UTRN: variants seen among roughly 807,000 people sequenced by gnomAD.
The protein encoded by UTRN is dystrophin-related protein 1.
Under a neutral mutation model 463.9 loss-of-function variants are expected in UTRN, and 283 were observed. The ratio of observed to expected loss-of-function variants is 0.61; its 90% confidence interval spans 0.55 to 0.67. The LOEUF (loss-of-function observed/expected upper bound fraction) is 0.67. Ranked by LOEUF, UTRN falls within the 30% of genes least tolerant of loss-of-function variation. The pLI is 0.00. For synonymous variants in UTRN, 1,442 were observed against 1,431.5 expected, an observed-to-expected ratio of 1.01 and a Z score of -0.17; for missense variants, 3,922 against 4,084.3, an observed-to-expected ratio of 0.96 and a Z score of 1.08.
intron 35 of UTRN, 45 bp downstream of exon 35, chr6:144,511,168 C>G (rs778303021): frequency 1.4e-6 from 2 of 1,408,010 alleles, no homozygotes; most frequent in South Asian, 3.5e-5. Flanking sequence ...CTCCTCTCTT[C>G]TAGTTATTTT....
In UTRN at chr6:144,782,091, G is replaced by A. The variant is rs116648706; in HGVS notation, c.8802G>A (p.Met2934Ile). Residue 2934 changes from methionine (M) to isoleucine (I), a missense_variant, in exon 61 of 75, where the codon ATG becomes ATA. Met to Ile is a conservative substitution (Grantham distance 10). Transcript: ENST00000367545. Reference protein sequence around the residue: ...DLVNVPLCVDMCLNWLLNVYD... With the variant: ...DLVNVPLCVDICLNWLLNVYD... ...TCAACGTTCCACTCTGTGTTGATAT[G>A]TGTCTCAATTGGTTGCTCAATGTCT... is the stretch of plus-strand genomic sequence containing the variant. 5.0e-6 allele frequency: 8 copies of A among 1,611,940 alleles called. No homozygotes were observed. In the African/African-American group the frequency reaches 9.3e-5, roughly 19 times the overall value.
In UTRN at chr6:144,852,025, G is replaced by A. The variant is rs562424175; in HGVS notation, c.*1028G>A. ...GGTTCCCTTCAAAGAGAATTTTATT[G>A]TTGTTTTGTATTTTCAAGTCCTTAA... On this transcript the variant is annotated 3_prime_UTR_variant, in exon 75 of 75. Coordinates refer to ENST00000367545, the MANE Select transcript of UTRN (RefSeq NM_007124.3). 35 of 152,122 alleles carry A rather than the reference G, an allele frequency of 2.3e-4. No homozygotes were observed. Among genetic ancestry groups the A allele is most frequent in the African/African-American group, 7.9e-4 (33 of 41,530 alleles). The allele number at this position is 152,122 out of a possible 1,614,324, so 9.4% of individuals were successfully genotyped here. A position where few individuals can be genotyped will look rare whatever the true frequency, so the allele number is the denominator to read the frequency against.
intron 60 of UTRN, among the ~76,000 whole-genome samples, chr6:144,779,746 T>A (rs1046807968): frequency 6.6e-6 from 1 of 152,226 alleles, no homozygotes; most frequent in African/African-American, 2.4e-5. Flanking sequence ...AAGCGTCAAC[T>A]GTACAGGGCA....
chr6:144,590,460 C>T (rs1274965788), intron 51 of UTRN, among the ~76,000 whole-genome samples: 1 of 152,082 alleles, frequency 6.6e-6, no homozygotes, highest in East Asian at 1.9e-4. Flanking sequence ...TTTAAAAGGA[C>T]ATAATAGCTC....
At chr6:144,792,995 T>A (rs1776894468) in intron 62 of UTRN, among the ~76,000 whole-genome samples, 2 of 152,108 alleles carry the variant, frequency 1.3e-5, no homozygotes, top group Non-Finnish European at 2.9e-5. Flanking sequence ...ATGCACAAAT[T>A]TTTAAATTTG....
intron 2 of UTRN, among the ~76,000 whole-genome samples, chr6:144,396,857 C>T (rs972229858): frequency 6.6e-6 from 1 of 152,162 alleles, no homozygotes. Context: ...TCCCATCAGG[C>T]ACCCTCTTAT....
At chr6:144,301,536 CTTTTTTTTT>C (rs200484231) in intron 2 of UTRN, among the ~76,000 whole-genome samples, 4 of 92,764 alleles carry the variant, frequency 4.3e-5, no homozygotes, top group African/African-American at 1.6e-4. Context: ...TTCTTTCTTT[CTTTTTTTTT>C]TTTTTTTTTT....
intron 50 of UTRN, among the ~76,000 whole-genome samples, chr6:144,565,562 A>G (rs1009759406): frequency 1.3e-5 from 2 of 152,196 alleles, no homozygotes; most frequent in South Asian, 2.1e-4. Flanking sequence ...AAAATTTCCA[A>G]TGAAGTGAAA....
chr6:144,442,151 T>C (rs1291376515), intron 13 of UTRN, among the ~76,000 whole-genome samples: 1 of 152,260 alleles, frequency 6.6e-6, no homozygotes, highest in Non-Finnish European at 1.5e-5. Context: ...TGCAGCCAGC[T>C]TGAATTTCTC....
intron 45 of UTRN, among the ~76,000 whole-genome samples, chr6:144,540,306 T>C (rs1419743469): frequency 6.6e-6 from 1 of 152,192 alleles, no homozygotes; most frequent in African/African-American, 2.4e-5. Flanking sequence ...TTTCAGAGTA[T>C]GACGTCTGTA....
intron 37 of UTRN, 94 bp from the exon 38 acceptor site, chr6:144,516,135 A>G: frequency 4.7e-6 from 6 of 1,269,910 alleles, no homozygotes; most frequent in Non-Finnish European, 6.6e-6. Context: ...CAGTTAAAAA[A>G]GTGTTAGTTT....
chr6:144,550,878 C>A (rs1030522574), intron 47 of UTRN, 87 bp from the exon 48 acceptor site: 4 of 1,185,138 alleles, frequency 3.4e-6, no homozygotes, highest in Non-Finnish European at 2.3e-6. Context: ...AAAACAACGA[C>A]AACTTTGATG....
intron 34 of UTRN, among the ~76,000 whole-genome samples, chr6:144,504,374 T>C (rs1585044939): frequency 6.6e-6 from 1 of 152,148 alleles, no homozygotes; most frequent in South Asian, 2.1e-4. Context: ...TGGCTGTGGG[T>C]TTGTCATAAA....
At chr6:144,391,133 G>T (rs569094508) in intron 2 of UTRN, among the ~76,000 whole-genome samples, 1 of 151,846 alleles carries the variant, frequency 6.6e-6, no homozygotes, top group Non-Finnish European at 1.5e-5. Flanking sequence ...ATGCAGTGGT[G>T]CATTCACAAT....
At chr6:144,352,727 A>C (rs1245512506) in intron 2 of UTRN, among the ~76,000 whole-genome samples, 1 of 152,262 alleles carries the variant, frequency 6.6e-6, no homozygotes, top group Non-Finnish European at 1.5e-5. Flanking sequence ...CTAAATAAAA[A>C]TAAAAGGTCG....
chr6:144,823,266 A>G (rs1339337949), intron 66 of UTRN, among the ~76,000 whole-genome samples: 2 of 152,154 alleles, frequency 1.3e-5, no homozygotes, highest in Non-Finnish European at 2.9e-5. Flanking sequence ...ACTACTAGAT[A>G]TAGTGGGCAG....
rs1446935368 is a variant in UTRN at position 144,458,988 on chromosome 6, C to A, written c.2503C>A (p.Pro835Thr). 1 of 1,605,714 alleles carries A rather than the reference C, an allele frequency of 6.2e-7. No homozygotes were observed. The highest frequency in any genetic ancestry group is 1.3e-5 in the African/African-American group (1 of 74,438). ...SISESSRQSL[P>T]SLKDSCQREL... ...TTCTGAATCTTCCCGGCAGTCCTTG[C>A]CAAGCTTGAAGGATTCCTGTCAGGT... Residue 835 changes from proline (P) to threonine (T), a missense_variant, in exon 20 of 75, where the codon CCA (proline) becomes ACA (threonine). By Grantham distance (38) the Pro-to-Thr change is conservative (BLOSUM62 -1). This residue lies in a region of UTRN where 2,349 missense variants were observed against 2,303.8 expected (regional missense o/e 1.02). Transcript: ENST00000367545.
At chr6:144,328,887 G>A (rs961571212) in intron 2 of UTRN, among the ~76,000 whole-genome samples, 3 of 151,954 alleles carry the variant, frequency 2.0e-5, no homozygotes, top group Non-Finnish European at 2.9e-5. Flanking sequence ...AGGTTCAAGC[G>A]ATTTTCCTGC....
intron 3 of UTRN, among the ~76,000 whole-genome samples, chr6:144,411,287 G>C (rs1340479839): frequency 6.6e-6 from 1 of 152,100 alleles, no homozygotes; most frequent in African/African-American, 2.4e-5. Flanking sequence ...TTGTGGTTTT[G>C]ATTTGCATTT....
Sources: gnomAD v4.1 joint callset for allele counts (sites outside exome capture counted in the v4.1 genomes callset) on GRCh38, gnomAD v4.1.1 for gene constraint, gnomAD v4.1.1 regional missense constraint, MANE v1.5 for transcripts, NCBI Gene and HGNC (gene_info 2026-07-23, HGNC 2026-07-21) for gene names.